Variants in SLC35B4 observed in about 807,000 individuals in gnomAD.
The protein encoded by SLC35B4 is solute carrier family 35 member B4.
Under a neutral mutation model 39.5 loss-of-function variants are expected in SLC35B4, and 28 were observed. The observed-to-expected ratio is 0.71, with a 90% confidence interval of 0.53 to 0.97. SLC35B4 has a LOEUF of 0.97. Among genes scored for constraint, SLC35B4 ranks in the 50% least tolerant of loss-of-function variants. SLC35B4 has a pLI of 0.00. For missense variants in SLC35B4, 334 were observed against 414.3 expected (o/e 0.81, Z 1.68); for synonymous variants, 145 against 150.4 (o/e 0.96, Z 0.26).
In SLC35B4 at chr7:134,291,151, T is replaced by C. The variant is rs576020819; in HGVS notation, c.*3682A>G. On this transcript the variant is annotated 3_prime_UTR_variant, in exon 10 of 10. Coordinates refer to ENST00000378509, the MANE Select transcript of SLC35B4 (RefSeq NM_032826.5). ...TCTCAAATAGAGAAGGGAATGGTGG[T>C]AGAGATTCTCAGCCTCCATTTTGAG... The C allele has an allele frequency of 1.3e-5, 2 of 152,118 alleles. No homozygotes were observed. Among genetic ancestry groups the C allele is most frequent in the Non-Finnish European group, 2.9e-5 (2 of 68,014 alleles). 9.4% of individuals were successfully genotyped at this position (152,118 alleles called of 1,614,324 possible). A position where few individuals can be genotyped will look rare whatever the true frequency, so the allele number is the denominator to read the frequency against.
At chr7:134,308,390 A>G (rs947684938) in intron 2 of SLC35B4, among the ~76,000 whole-genome samples, 9 of 152,192 alleles carry the variant, frequency 5.9e-5, no homozygotes, top group African/African-American at 2.2e-4. Context: ...GGAAAGGGCC[A>G]GAGGAGTCAA....
At chr7:134,299,353 C>T in intron 8 of SLC35B4, 170 bp downstream of exon 8, 1 of 513,662 alleles carries the variant, frequency 1.9e-6, no homozygotes, top group South Asian at 3.3e-5. Context: ...TGAGAAACCC[C>T]TGTAAAAGCT....
At chr7:134,317,304 G>GATAT (rs138401878), upstream of SLC35B4, among the ~76,000 whole-genome samples, 3 of 151,866 alleles carry the variant, frequency 2.0e-5, no homozygotes, top group African/African-American at 7.3e-5. Context: ...TTCCTGAACT[G>GATAT]ATATATATAT....
intron 6 of SLC35B4, among the ~76,000 whole-genome samples, chr7:134,300,922 T>A (rs1452155814): frequency 9.0e-6 from 1 of 110,644 alleles, no homozygotes; most frequent in African/African-American, 3.9e-5. Context: ...AGGTATTGCA[T>A]GGGTTTCATT....
chr7:134,303,288 C>T (rs900783632), intron 4 of SLC35B4, among the ~76,000 whole-genome samples: 1 of 152,084 alleles, frequency 6.6e-6, no homozygotes, highest in African/African-American at 2.4e-5. Context: ...GAGAAAGACC[C>T]GTAACATTTT....
chr7:134,296,364 A>C, intron 9 of SLC35B4, 27 bp downstream of exon 9: 2 of 1,591,468 alleles, frequency 1.3e-6, no homozygotes, highest in Non-Finnish European at 1.7e-6. Flanking sequence ...TGATGACATA[A>C]GGGTGACGGC....
At chr7:134,303,513 C>A (rs1803640355) in intron 4 of SLC35B4, among the ~76,000 whole-genome samples, 1 of 152,008 alleles carries the variant, frequency 6.6e-6, no homozygotes, top group South Asian at 2.1e-4. Context: ...AGAAAGAAAT[C>A]AACTACAGTA....
chr7:134,294,523 T>G lies in SLC35B4; in HGVS notation c.*310A>C. ...TTCCAAGACCATGGATAGTAAGCCT[T>G]TTGTTCAGGAGACTCAGAATTCAGA... On this transcript the variant is annotated 3_prime_UTR_variant, in exon 10 of 10. Coordinates refer to ENST00000378509, the MANE Select transcript of SLC35B4 (RefSeq NM_032826.5). 3.9e-6 allele frequency: 1 copy of G among 254,288 alleles called. No homozygotes were observed. The highest frequency in any genetic ancestry group is 7.9e-5 in the East Asian group (1 of 12,612). 15.8% of individuals were successfully genotyped at this position (254,288 alleles called of 1,614,324 possible).
upstream of SLC35B4, among the ~76,000 whole-genome samples, chr7:134,318,492 T>TAA (rs1456895594): frequency 1.3e-5 from 2 of 150,358 alleles, no homozygotes; most frequent in South Asian, 4.2e-4. Context: ...TATATATATA[T>TAA]AACTGGTATA....
At chr7:134,313,845 T>G (rs939626140) in intron 1 of SLC35B4, among the ~76,000 whole-genome samples, 13 of 152,204 alleles carry the variant, frequency 8.5e-5, no homozygotes, top group Admixed American at 3.9e-4. Flanking sequence ...TCCAAGGCCA[T>G]ATCTAGAAAG....
rs1446783756 is a variant in SLC35B4 at position 134,295,203 on chromosome 7, C to G, written c.750-124G>C. Reference sequence around the variant, plus strand: ...AAGAAAACATGAAGGTCCGCTACGGCAGCTCTGAGGCTCCTCCTGGGGAGA... The same window carrying G: ...AAGAAAACATGAAGGTCCGCTACGGGAGCTCTGAGGCTCCTCCTGGGGAGA... On this transcript the variant is annotated intron_variant, in intron 9 of 9. Coordinates refer to ENST00000378509, the MANE Select transcript of SLC35B4 (RefSeq NM_032826.5). 4.7e-6 allele frequency: 6 copies of G among 1,268,090 alleles called. No homozygotes were observed. In the Admixed American group the frequency reaches 6.5e-5, roughly 14 times the overall value. The allele number at this position is 1,268,090 out of a possible 1,614,324, so 78.6% of individuals were successfully genotyped here.
At chr7:134,306,600 G>T in intron 3 of SLC35B4, 72 bp downstream of exon 3, 1 of 1,258,980 alleles carries the variant, frequency 7.9e-7, no homozygotes, top group Non-Finnish European at 1.1e-6. Context: ...TTCTAGTTCT[G>T]CCATATATTC....
chr7:134,314,840 T>C (rs1803933545), intron 1 of SLC35B4, among the ~76,000 whole-genome samples: 1 of 152,204 alleles, frequency 6.6e-6, no homozygotes, highest in South Asian at 2.1e-4. Flanking sequence ...GGCCAACTTT[T>C]TTATATTTTC....
intron 8 of SLC35B4, 74 bp downstream of exon 8, chr7:134,299,449 G>T: frequency 8.2e-7 from 1 of 1,216,400 alleles, no homozygotes; most frequent in Non-Finnish European, 1.2e-6. Flanking sequence ...AAAGGCCGAG[G>T]TCAAGTCAAG....
intron 8 of SLC35B4, among the ~76,000 whole-genome samples, chr7:134,297,184 A>G (rs959780153): frequency 6.6e-6 from 1 of 152,150 alleles, no homozygotes; most frequent in African/African-American, 2.4e-5. Context: ...GCCTCCCAAA[A>G]TGCTGGGACT....
Position 134,290,608 on chromosome 7 carries a change from C to T in SLC35B4, c.*4225G>A, listed in dbSNP as rs760784615. ...ATTCCAGCTTGGTACACACTGAACA[C>T]ATTTGAGGCTTATGACTGGTTCTTT... On this transcript the variant is annotated 3_prime_UTR_variant, in exon 10 of 10. Coordinates refer to ENST00000378509, the MANE Select transcript of SLC35B4 (RefSeq NM_032826.5). The T allele has an allele frequency of 5.3e-5, 8 of 152,186 alleles. No individual in the cohort carries two copies. The highest frequency in any genetic ancestry group is 1.9e-4 in the African/African-American group (8 of 41,454). The allele number at this position is 152,186 out of a possible 1,614,324, so 9.4% of individuals were successfully genotyped here.
intron 1 of SLC35B4, among the ~76,000 whole-genome samples, chr7:134,311,278 G>C (rs1428859381): frequency 6.6e-6 from 1 of 152,210 alleles, no homozygotes; most frequent in African/African-American, 2.4e-5. Context: ...AAATATGAGT[G>C]ACAGAAGGAA....
At position 134,293,061 on chromosome 7, in the gene SLC35B4, C is replaced by G. The variant is rs1301797071; in HGVS notation, c.*1772G>C. The G allele has an allele frequency of 6.6e-6, 1 of 152,170 alleles. No homozygotes were observed. Among genetic ancestry groups the G allele is most frequent in the Non-Finnish European group, 1.5e-5 (1 of 68,054 alleles). The allele number at this position is 152,170 out of a possible 1,614,324, so 9.4% of individuals were successfully genotyped here. On this transcript the variant is annotated 3_prime_UTR_variant, in exon 10 of 10. Coordinates refer to ENST00000378509, the MANE Select transcript of SLC35B4 (RefSeq NM_032826.5). ...AGCTCTGGACAGTGGAATAAACATA[C>G]CACACCATGGAATGAGCCCAGGAGA...
chr7:134,300,927 T>C (rs539282297), intron 6 of SLC35B4, among the ~76,000 whole-genome samples: 2 of 110,902 alleles, frequency 1.8e-5, no homozygotes, highest in East Asian at 4.2e-4. Flanking sequence ...TTGCATGGGT[T>C]TCATTTGCAT....
Sources: gnomAD v4.1 joint callset for allele counts (sites outside exome capture counted in the v4.1 genomes callset) on GRCh38, gnomAD v4.1.1 for gene constraint, MANE v1.5 for transcripts, NCBI Gene and HGNC (gene_info 2026-07-23, HGNC 2026-07-21) for gene names.